ATRNL1: variants seen among roughly 807,000 people sequenced by gnomAD.
ATRNL1 encodes the protein attractin-like protein 1.
Under a neutral mutation model 182.7 loss-of-function variants are expected in ATRNL1, and 95 were observed. That is an observed-to-expected ratio of 0.52 (90% CI 0.44 to 0.62). The LOEUF (loss-of-function observed/expected upper bound fraction) is 0.62, where lower values mean the gene tolerates loss of function less well. Ranked by LOEUF, ATRNL1 falls within the 20% of genes least tolerant of loss-of-function variation. The pLI is 0.00. For synonymous variants in ATRNL1, 576 were observed against 568.3 expected, an observed-to-expected ratio of 1.01 and a Z score of -0.19; for missense variants, 1,471 against 1,679.5, an observed-to-expected ratio of 0.88 and a Z score of 2.17.
At chr10:115,198,933 A>T (rs1294879290) in intron 8 of ATRNL1, among the ~76,000 whole-genome samples, 8 of 152,108 alleles carry the variant, frequency 5.3e-5, no homozygotes, top group African/African-American at 1.9e-4. Flanking sequence ...CAATCAACTA[A>T]TGGGAGGCCT....
At chr10:115,471,319 G>GT (rs1565078653) in intron 24 of ATRNL1, among the ~76,000 whole-genome samples, 1 of 150,946 alleles carries the variant, frequency 6.6e-6, no homozygotes, top group African/African-American at 2.4e-5. Context: ...GAGTGCAGCT[G>GT]TATCTCTGAG....
At chr10:115,197,205 A>G (rs1409570557) in intron 8 of ATRNL1, among the ~76,000 whole-genome samples, 1 of 152,026 alleles carries the variant, frequency 6.6e-6, no homozygotes, top group Non-Finnish European at 1.5e-5. Context: ...GTTAAACTGC[A>G]ATTGCATTCT....
At chr10:115,357,052 G>A (rs782816988) in intron 19 of ATRNL1, among the ~76,000 whole-genome samples, 3 of 151,850 alleles carry the variant, frequency 2.0e-5, no homozygotes, top group Non-Finnish European at 4.4e-5. Context: ...CCCCTATAAT[G>A]TATTGCTTGA....
intron 24 of ATRNL1, among the ~76,000 whole-genome samples, chr10:115,481,913 A>C (rs1406311426): frequency 6.6e-6 from 1 of 150,954 alleles, no homozygotes; most frequent in Non-Finnish European, 1.5e-5. Context: ...CTACTTCAGA[A>C]ATTGTTTAAA....
chr10:115,745,016 T>C (rs894004809), intron 27 of ATRNL1, among the ~76,000 whole-genome samples: 4 of 152,118 alleles, frequency 2.6e-5, no homozygotes, highest in African/African-American at 9.7e-5. Context: ...AATCAAGATA[T>C]ACAATGTGCT....
chr10:115,462,110 C>G (rs539904562), intron 22 of ATRNL1, 75 bp downstream of exon 22: 9 of 1,047,232 alleles, frequency 8.6e-6, no homozygotes, highest in Non-Finnish European at 1.3e-5. Context: ...TTGATTTTAC[C>G]TCTTCTCAGA....
chr10:115,760,746 T>C (rs1244590288), intron 27 of ATRNL1, among the ~76,000 whole-genome samples: 1 of 152,322 alleles, frequency 6.6e-6, no homozygotes, highest in African/African-American at 2.4e-5. Context: ...GTGTCCAATA[T>C]TTTTGTTCTA....
intron 28 of ATRNL1, among the ~76,000 whole-genome samples, chr10:115,886,033 G>A (rs73365710): frequency 3.5e-3 from 532 of 152,250 alleles, no homozygotes; most frequent in African/African-American, 0.011. Flanking sequence ...GCTGTGCTGC[G>A]TGTCACTTTC....
At chr10:115,714,750 A>G (rs1947197598) in intron 26 of ATRNL1, among the ~76,000 whole-genome samples, 1 of 151,728 alleles carries the variant, frequency 6.6e-6, no homozygotes, top group African/African-American at 2.4e-5. Flanking sequence ...TAAAATTTTC[A>G]TCAACCAAGA....
intron 26 of ATRNL1, among the ~76,000 whole-genome samples, chr10:115,625,993 GC>G (rs1555024539): frequency 1.3e-5 from 2 of 152,032 alleles, no homozygotes; most frequent in African/African-American, 4.8e-5. Flanking sequence ...TCTCCAGCCT[GC>G]CTTGCAGAGT....
At chr10:115,691,046 T>A (rs1188783334) in intron 26 of ATRNL1, among the ~76,000 whole-genome samples, 1 of 152,170 alleles carries the variant, frequency 6.6e-6, no homozygotes, top group East Asian at 1.9e-4. Context: ...GGCATCTCTG[T>A]TAGACATCAG....
At chr10:115,684,274 A>G (rs537298325) in intron 26 of ATRNL1, among the ~76,000 whole-genome samples, 362 of 151,358 alleles carry the variant, frequency 2.4e-3, no homozygotes, top group Non-Finnish European at 4.4e-3. Flanking sequence ...CTACAAATTT[A>G]TATTGGGTCC....
chr10:115,716,776 G>A (rs1331041448), intron 26 of ATRNL1, among the ~76,000 whole-genome samples: 3 of 152,110 alleles, frequency 2.0e-5, no homozygotes, highest in Non-Finnish European at 4.4e-5. Flanking sequence ...AGGTTGACTT[G>A]ATCATATTGT....
intron 26 of ATRNL1, among the ~76,000 whole-genome samples, chr10:115,701,488 A>G (rs1946734661): frequency 6.6e-6 from 1 of 152,026 alleles, no homozygotes; most frequent in South Asian, 2.1e-4. Context: ...ACAAAAATCC[A>G]TACAAAGAAT....
chr10:115,693,297 T>C (rs1274952617), intron 26 of ATRNL1, among the ~76,000 whole-genome samples: 1 of 152,172 alleles, frequency 6.6e-6, no homozygotes, highest in African/African-American at 2.4e-5. Context: ...ATTCAGGTTG[T>C]TACCAATAGT....
At chr10:115,536,246 A>G (rs1652613711) in intron 25 of ATRNL1, among the ~76,000 whole-genome samples, 1 of 151,954 alleles carries the variant, frequency 6.6e-6, no homozygotes, top group African/African-American at 2.4e-5. Flanking sequence ...GACCTCCTTG[A>G]GCTGTGGTGG....
At chr10:115,577,805 G>A (rs1854815857) in intron 26 of ATRNL1, among the ~76,000 whole-genome samples, 1 of 151,718 alleles carries the variant, frequency 6.6e-6, no homozygotes, top group African/African-American at 2.4e-5. Context: ...GAAGCAGAGA[G>A]AGTAGAAATC....
In ATRNL1 at chr10:115,937,721, T is replaced by C. The variant is rs138315297; in HGVS notation, c.4019-6937T>C. Among the ~76,000 whole-genome samples the C allele has an allele frequency of 1.5e-4, 23 of 152,304 alleles. No individual in the cohort carries two copies. In the East Asian group the frequency reaches 4.4e-3, roughly 29 times the overall value. ...CTATATACGATCAGAGGAAAAACATTTAAACATCCCAGCATGGTATTTCCA... is the reference window on the plus strand; with the variant it reads ...CTATATACGATCAGAGGAAAAACATCTAAACATCCCAGCATGGTATTTCCA... On this transcript the variant is annotated intron_variant, in intron 28 of 28. Coordinates refer to ENST00000355044, the MANE Select transcript of ATRNL1 (RefSeq NM_207303.4).
chr10:115,370,546 C>T (rs548992287), intron 19 of ATRNL1, among the ~76,000 whole-genome samples: 42 of 152,274 alleles, frequency 2.8e-4, no homozygotes, highest in African/African-American at 8.7e-4. Flanking sequence ...AAGAGACTGG[C>T]GGCATTTTGC....
Sources: gnomAD v4.1 joint callset for allele counts (sites outside exome capture counted in the v4.1 genomes callset) on GRCh38, gnomAD v4.1.1 for gene constraint, MANE v1.5 for transcripts, NCBI Gene and HGNC (gene_info 2026-07-23, HGNC 2026-07-21) for gene names.